Variants in GRM7 observed in about 807,000 individuals in gnomAD.
GRM7 encodes the protein glutamate metabotropic receptor 7.
In GRM7, 35 loss-of-function variants were observed where a neutral mutation model predicts 84.5. The observed-to-expected ratio is 0.41, with a 90% CI of 0.32 to 0.55. GRM7 has a LOEUF of 0.55. GRM7 is among the 20% of genes least tolerant of loss of function. The probability of loss-of-function intolerance (pLI) is 0.19; values close to 1 mark genes in which losing one functional copy is unlikely to be tolerated. For missense variants in GRM7, 1,003 were observed against 1,194.6 expected (o/e 0.84, Z 2.36); for synonymous variants, 487 against 455.1 (o/e 1.07, Z -0.89).
chr3:7,338,117 C>CAT (rs1363886409), intron 4 of GRM7, among the ~76,000 whole-genome samples: 1 of 113,238 alleles, frequency 8.8e-6, no homozygotes, highest in African/African-American at 3.8e-5. Context: ...TATTTATGTA[C>CAT]ACACACACAC....
intron 1 of GRM7, 45 bp from the exon 2 acceptor site, chr3:7,146,407 C>A: frequency 7.3e-7 from 1 of 1,369,748 alleles, no homozygotes; most frequent in Non-Finnish European, 1.0e-6. Flanking sequence ...GAGTCTCTTA[C>A]ATCCTGACGG....
At chr3:7,173,006 T>A (rs115397111) in intron 2 of GRM7, among the ~76,000 whole-genome samples, 1 of 152,156 alleles carries the variant, frequency 6.6e-6, no homozygotes, top group South Asian at 2.1e-4. Context: ...TATATTACTA[T>A]ATATGTGTAT....
chr3:6,937,089 G>T (rs1183876653), intron 1 of GRM7, among the ~76,000 whole-genome samples: 1 of 152,168 alleles, frequency 6.6e-6, no homozygotes, highest in South Asian at 2.1e-4. Flanking sequence ...GAAAGTCACG[G>T]TATTTATTCT....
intron 1 of GRM7, among the ~76,000 whole-genome samples, chr3:6,938,170 A>G (rs942450063): frequency 6.6e-6 from 1 of 152,200 alleles, no homozygotes; most frequent in African/African-American, 2.4e-5. Flanking sequence ...ATCAAGTCAA[A>G]TGATTAGATT....
chr3:7,687,583 G>A (rs1485033125), intron 9 of GRM7, among the ~76,000 whole-genome samples: 1 of 152,128 alleles, frequency 6.6e-6, no homozygotes, highest in Non-Finnish European at 1.5e-5. Context: ...AGAGAGACCT[G>A]TCTCTAGAGA....
In GRM7 at chr3:7,364,452, G is replaced by C. The variant is rs143602020; in HGVS notation, c.1034-50571G>C. Among the ~76,000 whole-genome samples, 737 of 151,744 alleles carry C rather than the reference G, an allele frequency of 4.9e-3. 12 individuals are homozygous for C. The highest frequency in any genetic ancestry group is 0.017 in the African/African-American group (711 of 41,482). ...TTTGAGAATCTCTGATCTTCTAGTG[G>C]TGAGTTTTATTATGTTCTCTTTGTT... On this transcript the variant is annotated intron_variant, in intron 4 of 9. Transcript: ENST00000357716.
At chr3:7,122,839 A>G (rs549346304) in intron 1 of GRM7, among the ~76,000 whole-genome samples, 1 of 152,366 alleles carries the variant, frequency 6.6e-6, no homozygotes, top group South Asian at 2.1e-4. Context: ...ATGTCTAAGA[A>G]AAAGCAAATG....
chr3:7,280,939 A>G (rs188921064), intron 2 of GRM7, among the ~76,000 whole-genome samples: 1 of 152,256 alleles, frequency 6.6e-6, no homozygotes, highest in East Asian at 1.9e-4. Flanking sequence ...GGAGAAATGC[A>G]TGTGTTTCTA....
chr3:6,879,881 G>A (rs554097665), intron 1 of GRM7, among the ~76,000 whole-genome samples: 8 of 152,298 alleles, frequency 5.3e-5, no homozygotes, highest in South Asian at 2.1e-4. Flanking sequence ...TGAGGGACTA[G>A]GTTCTCTTAT....
chr3:6,977,144 T>A (rs1450550747), intron 1 of GRM7, among the ~76,000 whole-genome samples: 4 of 152,136 alleles, frequency 2.6e-5, no homozygotes, highest in African/African-American at 7.2e-5. Flanking sequence ...AAACCAAGTG[T>A]TGGCCAAATA....
chr3:7,513,385 C>T (rs1700275389), intron 7 of GRM7, among the ~76,000 whole-genome samples: 1 of 152,086 alleles, frequency 6.6e-6, no homozygotes, highest in Admixed American at 6.5e-5. Context: ...AACAGTGTTA[C>T]CAAGATAAAA....
intron 1 of GRM7, among the ~76,000 whole-genome samples, chr3:7,055,089 G>A (rs1697163752): frequency 6.6e-6 from 1 of 151,662 alleles, no homozygotes; most frequent in African/African-American, 2.4e-5. Context: ...CTATTTATTT[G>A]TTTTTGCTTA....
intron 1 of GRM7, among the ~76,000 whole-genome samples, chr3:7,054,391 ATATC>A (rs1697137973): frequency 6.6e-6 from 1 of 150,442 alleles, no homozygotes; most frequent in African/African-American, 2.4e-5. Flanking sequence ...TATGATATAT[ATATC>A]ATAAAAGATA....
chr3:7,447,403 T>C lies in GRM7; in HGVS notation c.1175-5204T>C, dbSNP rs146860773. 1.1e-4 allele frequency among the ~76,000 whole-genome samples: 16 copies of C among 152,244 alleles called. No homozygotes were observed. In the East Asian group the frequency reaches 3.1e-3, roughly 29 times the overall value. ...CCTTAGAATTTTGTAAATGGGTATA[T>C]GAATAAGAAGTGTAGTAGTTAAATA... On this transcript the variant is annotated intron_variant, in intron 5 of 9. Coordinates refer to ENST00000357716, the MANE Select transcript of GRM7 (RefSeq NM_000844.4).
chr3:7,445,535 G>A (rs1559327390), intron 5 of GRM7, among the ~76,000 whole-genome samples: 1 of 152,102 alleles, frequency 6.6e-6, no homozygotes, highest in Non-Finnish European at 1.5e-5. Flanking sequence ...CTTTTCAGGA[G>A]TCGCTCATCA....
chr3:7,014,100 C>T (rs757196399), intron 1 of GRM7, among the ~76,000 whole-genome samples: 9 of 152,028 alleles, frequency 5.9e-5, no homozygotes, highest in Non-Finnish European at 7.4e-5. Flanking sequence ...TATCTTGATG[C>T]ATGTGGGCTG....
At chr3:7,594,045 G>A (rs1316833785) in intron 8 of GRM7, among the ~76,000 whole-genome samples, 1 of 151,986 alleles carries the variant, frequency 6.6e-6, no homozygotes, top group Non-Finnish European at 1.5e-5. Flanking sequence ...TGTAGGCAAG[G>A]GTCTACAACT....
intron 9 of GRM7, among the ~76,000 whole-genome samples, chr3:7,723,049 G>C (rs894221365): frequency 6.6e-6 from 1 of 151,510 alleles, no homozygotes; most frequent in Non-Finnish European, 1.5e-5. Context: ...CCACCACAAA[G>C]ATTTAACTGT....
At chr3:7,531,341 C>T (rs1056497814) in intron 7 of GRM7, among the ~76,000 whole-genome samples, 1 of 152,120 alleles carries the variant, frequency 6.6e-6, no homozygotes, top group East Asian at 1.9e-4. Context: ...GTTTGGGTTA[C>T]TGTAGCCTTG....
Sources: allele counts gnomAD v4.1 joint callset (sites outside exome capture counted in the v4.1 genomes callset), GRCh38; gene constraint gnomAD v4.1.1; transcripts MANE v1.5; gene names NCBI Gene and HGNC (gene_info 2026-07-23, HGNC 2026-07-21).